The following OSBPL1A variants were observed in gnomAD, a reference collection of about 807,000 sequenced individuals.
OSBPL1A encodes oxysterol-binding protein-related protein 1.
A neutral mutation model predicts 137.1 loss-of-function variants in OSBPL1A; 80 were observed. The observed-to-expected ratio is 0.58, with a 90% CI of 0.49 to 0.70. The LOEUF is 0.70. OSBPL1A is among the 30% of genes least tolerant of loss of function. The probability of loss-of-function intolerance (pLI) is 0.00; values close to 1 mark genes in which losing one functional copy is unlikely to be tolerated. For synonymous variants in OSBPL1A, 365 were observed against 389.7 expected (o/e 0.94, Z 0.75); for missense variants, 970 against 1,129.4 (o/e 0.86, Z 2.02).
In OSBPL1A at chr18:24,225,186, T is replaced by A. The variant is rs760296482; in HGVS notation, c.1457A>T (p.Glu486Val). 5 of 1,614,126 alleles carry A rather than the reference T, an allele frequency of 3.1e-6. No individual in the cohort carries two copies. Among genetic ancestry groups the A allele is most frequent in the Non-Finnish European group, 3.4e-6 (4 of 1,179,970 alleles). The change falls in exon 17 of 28, where the codon GAA becomes GTA. Residue 486 changes from glutamate (E) to valine (V), a missense_variant. Transcript: ENST00000319481. ...TGCTTCCAATCTACTCAGGGACCTT[T>A]CGGACTCGGAATCTGTGGCAGAGCA... ...FYDALSDSES[E>V]RSLSRLEAVT...
chr18:24,387,486 T>A (rs945921280), intron 1 of OSBPL1A, among the ~76,000 whole-genome samples: 3 of 152,164 alleles, frequency 2.0e-5, no homozygotes, highest in Non-Finnish European at 4.4e-5. Context: ...ACTAATTAGA[T>A]CATTATAATA....
intron 4 of OSBPL1A, among the ~76,000 whole-genome samples, chr18:24,363,736 G>T (rs143989367): frequency 6.6e-6 from 1 of 151,724 alleles, no homozygotes; most frequent in Non-Finnish European, 1.5e-5. Flanking sequence ...CGACCTCCCC[G>T]GCTCAAGTGA....
intron 17 of OSBPL1A, among the ~76,000 whole-genome samples, chr18:24,218,794 A>G (rs1176116833): frequency 6.6e-6 from 1 of 152,154 alleles, no homozygotes; most frequent in African/African-American, 2.4e-5. Context: ...CTTGAAAATC[A>G]CTAGAGAGTA....
intron 15 of OSBPL1A, chr18:24,272,340 T>C (rs1485115516): frequency 1.1e-6 from 1 of 949,030 alleles, no homozygotes; most frequent in African/African-American, 1.8e-5. Context: ...TGTCACTTAC[T>C]CCGGCTCACG....
intron 7 of OSBPL1A, among the ~76,000 whole-genome samples, chr18:24,329,498 C>T (rs892696227): frequency 6.9e-6 from 1 of 144,434 alleles, no homozygotes; most frequent in Non-Finnish European, 1.5e-5. Flanking sequence ...TGCAGTGAGT[C>T]GAGATCGCGC....
chr18:24,255,915 C>T (rs1286048532), intron 15 of OSBPL1A, among the ~76,000 whole-genome samples: 1 of 152,054 alleles, frequency 6.6e-6, no homozygotes, highest in African/African-American at 2.4e-5. Context: ...CTGCCTCAGC[C>T]CCCCAAGTAG....
At chr18:24,302,025 G>A (rs955787936) in intron 14 of OSBPL1A, among the ~76,000 whole-genome samples, 3 of 152,052 alleles carry the variant, frequency 2.0e-5, no homozygotes, top group Admixed American at 1.3e-4. Flanking sequence ...TCAGGAGATC[G>A]AGAGCATCCT....
intron 14 of OSBPL1A, among the ~76,000 whole-genome samples, chr18:24,303,178 T>C (rs939887056): frequency 3.9e-5 from 6 of 152,118 alleles, no homozygotes; most frequent in Non-Finnish European, 7.4e-5. Flanking sequence ...TTTTTGTACT[T>C]TTAGTAGAGA....
chr18:24,214,933 G>C (rs1030559457), intron 17 of OSBPL1A, among the ~76,000 whole-genome samples: 1 of 152,110 alleles, frequency 6.6e-6, no homozygotes, highest in Non-Finnish European at 1.5e-5. Context: ...ATAACAATTT[G>C]TTTGTGCTTT....
At chr18:24,316,389 T>C (rs1354402703) in intron 11 of OSBPL1A, among the ~76,000 whole-genome samples, 2 of 152,054 alleles carry the variant, frequency 1.3e-5, no homozygotes, top group African/African-American at 2.4e-5. Context: ...GAATGGGTAA[T>C]AGGAACTAAA....
intron 21 of OSBPL1A, among the ~76,000 whole-genome samples, chr18:24,173,597 GA>G (rs1456738929): frequency 6.6e-6 from 1 of 152,078 alleles, no homozygotes; most frequent in African/African-American, 2.4e-5. Flanking sequence ...ATTTTTAGTA[GA>G]GATGGGTTTT....
chr18:24,360,484 G>A (rs2091605358), intron 4 of OSBPL1A, among the ~76,000 whole-genome samples: 1 of 152,186 alleles, frequency 6.6e-6, no homozygotes, highest in Admixed American at 6.5e-5. Flanking sequence ...ATTCAGTCAT[G>A]CTTAGATATT....
intron 1 of OSBPL1A, among the ~76,000 whole-genome samples, chr18:24,385,760 A>G (rs1040640402): frequency 1.3e-5 from 2 of 152,212 alleles, no homozygotes; most frequent in African/African-American, 4.8e-5. Context: ...TTTGGTAAAC[A>G]GAGGAGTGAA....
intron 1 of OSBPL1A, among the ~76,000 whole-genome samples, chr18:24,392,461 A>T (rs1907425368): frequency 6.6e-6 from 1 of 152,152 alleles, no homozygotes; most frequent in African/African-American, 2.4e-5. Flanking sequence ...ACCCGGCCCT[A>T]TACTCTAATA....
intron 5 of OSBPL1A, among the ~76,000 whole-genome samples, chr18:24,339,744 G>A (rs552172148): frequency 1.3e-5 from 2 of 152,134 alleles, no homozygotes; most frequent in African/African-American, 2.4e-5. Context: ...TGTTCTCCAC[G>A]TTACTAAATT....
At chr18:24,305,541 G>A (rs756879737) in intron 13 of OSBPL1A, among the ~76,000 whole-genome samples, 35 of 152,054 alleles carry the variant, frequency 2.3e-4, no homozygotes, top group Non-Finnish European at 4.4e-4. Flanking sequence ...TTGCTTAGTC[G>A]CTACTAGTTA....
At position 24,251,434 on chromosome 18, in the gene OSBPL1A, A is replaced by G. The variant is rs183562455; in HGVS notation, c.1282-12052T>C. ...GAGAGAGACTCTATTTGTTTGGGAG[A>G]AAATAAGGAAAAAGAACAAGAGTCT... On this transcript the variant is annotated intron_variant, in intron 15 of 27. Coordinates refer to ENST00000319481, the MANE Select transcript of OSBPL1A (RefSeq NM_080597.4). Among the ~76,000 whole-genome samples, 11 of 152,302 alleles carry G rather than the reference A, an allele frequency of 7.2e-5. No individual in the cohort carries two copies. In the East Asian group the frequency reaches 1.9e-3, roughly 27 times the overall value.
At chr18:24,393,545 C>G (rs1291679881) in intron 1 of OSBPL1A, among the ~76,000 whole-genome samples, 1 of 152,118 alleles carries the variant, frequency 6.6e-6, no homozygotes, top group Non-Finnish European at 1.5e-5. Context: ...CTCCTCTTCC[C>G]GGGTTCACAC....
At chr18:24,345,885 T>G (rs12606022) in intron 4 of OSBPL1A, among the ~76,000 whole-genome samples, 44,971 of 151,982 alleles carry the variant, frequency 0.3, 7,076 homozygotes, top group East Asian at 0.58. Flanking sequence ...TGAAAAAAGG[T>G]ATTTGGTCTC....
Sources: allele counts gnomAD v4.1 joint callset (sites outside exome capture counted in the v4.1 genomes callset), GRCh38; gene constraint gnomAD v4.1.1; transcripts MANE v1.5; gene names NCBI Gene and HGNC (gene_info 2026-07-23, HGNC 2026-07-21).